Variants in SUFU observed in about 807,000 individuals in gnomAD.
The protein encoded by SUFU is suppressor of fused homolog.
In SUFU, 7 loss-of-function variants were observed where a neutral mutation model predicts 58.9. That is an observed-to-expected ratio of 0.12 (90% CI 0.07 to 0.22). SUFU has a LOEUF of 0.22. Among genes scored for constraint, SUFU ranks in the 10% least tolerant of loss-of-function variants. SUFU has a pLI of 1.00. For missense variants in SUFU, 451 were observed against 641.3 expected, an observed-to-expected ratio of 0.70 and a Z score of 3.20; for synonymous variants, 232 against 254.8, an observed-to-expected ratio of 0.91 and a Z score of 0.85.
chr10:102,612,212 C>T (rs924643751), intron 8 of SUFU, among the ~76,000 whole-genome samples: 10 of 105,498 alleles, frequency 9.5e-5, no homozygotes, highest in South Asian at 3.8e-4. Context: ...TGTGTGTGCA[C>T]GCGCATGTGT....
chr10:102,549,949 C>T (rs1206378841), intron 2 of SUFU, 21 bp from the exon 3 acceptor site: 6 of 1,613,902 alleles, frequency 3.7e-6, no homozygotes, highest in Non-Finnish European at 5.1e-6. Flanking sequence ...GCTTAAAACA[C>T]TTGCTTTTTA....
chr10:102,610,337 G>A (rs1348482174), intron 8 of SUFU, among the ~76,000 whole-genome samples: 3 of 141,154 alleles, frequency 2.1e-5, no homozygotes, highest in African/African-American at 8.0e-5. Context: ...AGGTTGCAGT[G>A]AGCCGAGATC....
chr10:102,605,344 A>G (rs986934156), intron 8 of SUFU, among the ~76,000 whole-genome samples: 3 of 152,108 alleles, frequency 2.0e-5, no homozygotes, highest in Admixed American at 6.5e-5. Flanking sequence ...GCAAAACCCC[A>G]TCTCTACAAA....
chr10:102,519,478 G>A (rs1019306986), intron 2 of SUFU, among the ~76,000 whole-genome samples: 2 of 144,240 alleles, frequency 1.4e-5, no homozygotes, highest in Non-Finnish European at 3.0e-5. Context: ...AGTGAGCTGA[G>A]ATCATGCCAT....
rs572665937 is a variant in SUFU, at chr10:102,555,136, T to C, written c.454+5030T>C. On this transcript the variant is annotated intron_variant, in intron 3 of 11. Transcript: ENST00000369902. ...AAAAAAAATTAGCCGGACGTGGTGGTGGGCGCCTGTGGTCCCAGCTACTTG... is the reference window on the plus strand; with the variant it reads ...AAAAAAAATTAGCCGGACGTGGTGGCGGGCGCCTGTGGTCCCAGCTACTTG... Among the ~76,000 whole-genome samples, 24 of 151,946 alleles carry C rather than the reference T, an allele frequency of 1.6e-4. No individual in the cohort carries two copies. In the East Asian group the frequency reaches 2.3e-3, roughly 15 times the overall value.
At chr10:102,612,131 G>A (rs2063630950) in intron 8 of SUFU, among the ~76,000 whole-genome samples, 1 of 151,716 alleles carries the variant, frequency 6.6e-6, no homozygotes, top group Non-Finnish European at 1.5e-5. Flanking sequence ...CTTCTGCATC[G>A]ATGTCCAGAA....
At chr10:102,550,570 G>A (rs1156974142) in intron 3 of SUFU, among the ~76,000 whole-genome samples, 1 of 152,124 alleles carries the variant, frequency 6.6e-6, no homozygotes, top group African/African-American at 2.4e-5. Context: ...TCAAAGCATG[G>A]TTCTTATACC....
chr10:102,541,912 G>C (rs191665814), intron 2 of SUFU, among the ~76,000 whole-genome samples: 1 of 116,292 alleles, frequency 8.6e-6, no homozygotes, highest in South Asian at 2.8e-4. Flanking sequence ...ACAGAGTTTC[G>C]CTCTTGTTGC....
intron 4 of SUFU, among the ~76,000 whole-genome samples, chr10:102,592,973 G>C (rs1407534453): frequency 6.6e-6 from 1 of 152,194 alleles, no homozygotes; most frequent in Non-Finnish European, 1.5e-5. Context: ...GGAGTAATGG[G>C]GTGGCGGGTA....
At chr10:102,584,374 G>A (rs2063315052) in intron 3 of SUFU, among the ~76,000 whole-genome samples, 1 of 151,978 alleles carries the variant, frequency 6.6e-6, no homozygotes, top group African/African-American at 2.4e-5. Flanking sequence ...TTAAGATGGG[G>A]TCTTACTATG....
intron 2 of SUFU, among the ~76,000 whole-genome samples, chr10:102,540,424 G>A (rs1241832965): frequency 6.6e-6 from 1 of 152,200 alleles, no homozygotes; most frequent in African/African-American, 2.4e-5. Context: ...GCCCAAGTGG[G>A]TGGATCACTT....
At position 102,629,120 on chromosome 10, in the gene SUFU, C is replaced by T. The variant is rs748311783; in HGVS notation, c.1366-946C>T. ...GCAGTGAGCCGAGATCGCGCCATTG[C>T]ACTCCAGCCTGGGCAACAAGAGCGA... On this transcript the variant is annotated intron_variant, in intron 11 of 11. Transcript: ENST00000369902. This position sits in a 1 kb window ranked among gnomAD's most constrained non-coding sequence, Gnocchi z 4.7. Among the ~76,000 whole-genome samples the T allele has an allele frequency of 8.5e-5, 13 of 152,120 alleles. No individual in the cohort carries two copies. Among genetic ancestry groups the T allele is most frequent in the Non-Finnish European group, 1.9e-4 (13 of 68,026 alleles).
chr10:102,577,164 A>G (rs1161114043), intron 3 of SUFU, among the ~76,000 whole-genome samples: 2 of 146,338 alleles, frequency 1.4e-5, no homozygotes, highest in African/African-American at 5.1e-5. Flanking sequence ...GCTCACTGCA[A>G]CCTCCGCCTC....
rs754716152 is a variant in SUFU, at chr10:102,599,482, C to T, written c.960C>T (p.Ser320=). 6.2e-7 allele frequency: 1 copy of T among 1,614,204 alleles called. No homozygotes were observed. Among genetic ancestry groups the T allele is most frequent in the Non-Finnish European group, 8.5e-7 (1 of 1,180,044 alleles). Residue 320 remains serine (S), a synonymous_variant, in exon 8 of 12, where the codon AGC becomes AGT. Coordinates refer to ENST00000369902, the MANE Select transcript of SUFU (RefSeq NM_016169.4). ...TGAGGAGAGGACTCGAGATCAACAGCAAACCTGTCCTTCCACCAATCAACC... is the reference window on the plus strand; with the variant it reads ...TGAGGAGAGGACTCGAGATCAACAGTAAACCTGTCCTTCCACCAATCAACC... ...ETLRRGLEIN[S]KPVLPPINPQ... is the part of the protein sequence containing the mutation.
At chr10:102,518,657 C>T (rs1057377068) in intron 2 of SUFU, among the ~76,000 whole-genome samples, 5 of 152,036 alleles carry the variant, frequency 3.3e-5, no homozygotes, top group African/African-American at 1.2e-4. Flanking sequence ...AGTCATCCTC[C>T]TACCTCAACC....
At chr10:102,564,546 T>C (rs1390992370) in intron 3 of SUFU, among the ~76,000 whole-genome samples, 1 of 152,202 alleles carries the variant, frequency 6.6e-6, no homozygotes, top group Non-Finnish European at 1.5e-5. Flanking sequence ...TTGGCCACGC[T>C]GGTCTCCAAC....
chr10:102,582,031 C>T (rs945202262), intron 3 of SUFU, among the ~76,000 whole-genome samples: 1 of 152,184 alleles, frequency 6.6e-6, no homozygotes, highest in African/African-American at 2.4e-5. Flanking sequence ...CACAGTCCAG[C>T]TGCGTTTCCT....
intron 10 of SUFU, among the ~76,000 whole-genome samples, chr10:102,624,923 G>A (rs902852385): frequency 1.3e-5 from 2 of 152,110 alleles, no homozygotes; most frequent in African/African-American, 4.8e-5. Flanking sequence ...TTACTGATCT[G>A]GCAGAAAGCC....
intron 3 of SUFU, among the ~76,000 whole-genome samples, chr10:102,573,940 A>G (rs1379285511): frequency 6.6e-6 from 1 of 152,220 alleles, no homozygotes; most frequent in Non-Finnish European, 1.5e-5. Context: ...AATGTACTTA[A>G]TGCCACTTAA....
Sources: allele counts gnomAD v4.1 joint callset (sites outside exome capture counted in the v4.1 genomes callset), GRCh38; gene constraint gnomAD v4.1.1; non-coding constraint Gnocchi (gnomAD v3.1); transcripts MANE v1.5; gene names NCBI Gene and HGNC (gene_info 2026-07-23, HGNC 2026-07-21).